The following BMS1 variants were observed in gnomAD, a reference collection of about 807,000 sequenced individuals.
The protein encoded by BMS1 is ribosome biogenesis protein BMS1 homolog.
Under a neutral mutation model 138.7 loss-of-function variants are expected in BMS1, and 53 were observed. The ratio of observed to expected loss-of-function variants is 0.38; its 90% CI spans 0.31 to 0.48. The LOEUF is 0.48. BMS1 is among the 20% of genes least tolerant of loss of function. The pLI is 0.97. For synonymous variants in BMS1, 504 were observed against 539.9 expected, an observed-to-expected ratio of 0.93 and a Z score of 0.92; for missense variants, 1,360 against 1,565.5, an observed-to-expected ratio of 0.87 and a Z score of 2.22.
At chr10:42,796,421 A>G in intron 9 of BMS1, 53 bp from the exon 10 acceptor site, 1 of 1,527,878 alleles carries the variant, frequency 6.5e-7, no homozygotes, top group South Asian at 1.3e-5. Context: ...CCATTTCTAG[A>G]TTAGCTGATT....
Position 42,826,808 on chromosome 10 carries a change from G to C in BMS1, c.3456+3024G>C, listed in dbSNP as rs567813745. Among the ~76,000 whole-genome samples the C allele has an allele frequency of 8.0e-4, 122 of 152,296 alleles. 1 individual carries two copies. Among genetic ancestry groups the C allele is most frequent in the Non-Finnish European group, 1.5e-5 (1 of 68,006 alleles). On this transcript the variant is annotated intron_variant, in intron 21 of 22. Coordinates refer to ENST00000374518, the MANE Select transcript of BMS1 (RefSeq NM_014753.4). Reference sequence around the variant, plus strand: ...AGTGCTTCAGCTCTTGTGCAGTGGGGAGTGTGACTGCTCAGACTGGCCAAG... The same window carrying C: ...AGTGCTTCAGCTCTTGTGCAGTGGGCAGTGTGACTGCTCAGACTGGCCAAG...
chr10:42,821,454 T>C (rs1355637309), intron 18 of BMS1, among the ~76,000 whole-genome samples: 1 of 152,112 alleles, frequency 6.6e-6, no homozygotes, highest in Non-Finnish European at 1.5e-5. Flanking sequence ...ATTGCAACTG[T>C]ATTTTTCTTT....
At chr10:42,810,482 C>T (rs1003768676) in intron 13 of BMS1, among the ~76,000 whole-genome samples, 1 of 151,992 alleles carries the variant, frequency 6.6e-6, no homozygotes, top group Non-Finnish European at 1.5e-5. Flanking sequence ...GTACTGTCTT[C>T]ATCTGGTTTT....
chr10:42,826,923 G>A (rs1473781402), intron 21 of BMS1, among the ~76,000 whole-genome samples: 26 of 152,198 alleles, frequency 1.7e-4, no homozygotes, highest in Admixed American at 1.6e-3. Context: ...GGGCACGGCA[G>A]CGTGGCCCCG....
intron 12 of BMS1, among the ~76,000 whole-genome samples, chr10:42,801,241 G>A (rs1418347961): frequency 6.6e-6 from 1 of 152,156 alleles, no homozygotes; most frequent in Non-Finnish European, 1.5e-5. Context: ...TCACATACAG[G>A]ACTACATCTT....
intron 21 of BMS1, among the ~76,000 whole-genome samples, chr10:42,829,179 G>A (rs1588764177): frequency 1.3e-5 from 2 of 152,210 alleles, no homozygotes; most frequent in Middle Eastern, 3.4e-3. Context: ...AGGCGTGGTG[G>A]CGGGCGCCTG....
chr10:42,833,319 A>G lies in BMS1; in HGVS notation c.*2223A>G, dbSNP rs1842829976. ...CAATAAATAGCATTTTTCATGTAGA[A>G]TTTTTATTGGTGAAGGTTCCACCTG... On this transcript the variant is annotated 3_prime_UTR_variant, in exon 23 of 23. Transcript: ENST00000374518. The G allele has an allele frequency of 6.6e-6, 1 of 152,228 alleles. No individual in the cohort carries two copies. The highest frequency in any genetic ancestry group is 1.5e-5 in the Non-Finnish European group (1 of 68,040). 9.4% of individuals were successfully genotyped at this position (152,228 alleles called of 1,614,324 possible).
chr10:42,796,561 T>A lies in BMS1; in HGVS notation c.1317T>A (p.Ser439=). The A allele has an allele frequency of 6.2e-7, 1 of 1,614,198 alleles. No homozygotes were observed. The highest frequency in any genetic ancestry group is 8.5e-7 in the Non-Finnish European group (1 of 1,180,040). ...RKAIFGDEDE[S]GDSDDEEDDE... is the part of the protein sequence containing the mutation. ...CCATTTTCGGAGATGAAGATGAATC[T>A]GGAGATAGTGATGATGAAGAAGATG... The change falls in exon 10 of 23, where the codon TCT becomes TCA. Residue 439 remains serine, a synonymous_variant. Transcript: ENST00000374518.
intron 13 of BMS1, among the ~76,000 whole-genome samples, chr10:42,810,186 A>G (rs1360359789): frequency 6.7e-6 from 1 of 149,352 alleles, no homozygotes; most frequent in East Asian, 2.0e-4. Flanking sequence ...AATACAACAT[A>G]TGGAAATGTG....
rs1564426642 is a variant in BMS1 at position 42,816,659 on chromosome 10, G to T, written c.2390G>T (p.Gly797Val). ...ETGDVHKGKSGPNTQNEDIEK... is the reference protein window; with the variant it reads ...ETGDVHKGKSVPNTQNEDIEK... ...GGGGACGTGCACAAGGGAAAATCAG[G>T]CCCCAATACTCAGGTATGACTTTGT... is the stretch of plus-strand genomic sequence containing the variant. The change falls in exon 14 of 23, where the codon GGC becomes GTC. Residue 797 changes from glycine (G) to valine (V), a missense_variant. Physicochemically the swap from Gly to Val is moderately radical, Grantham distance 109. Around this residue, in one of 3 missense-constraint regions of BMS1, gnomAD observed 697 missense variants for 686.2 expected, o/e 1.02. Coordinates refer to ENST00000374518, the MANE Select transcript of BMS1 (RefSeq NM_014753.4). The T allele has an allele frequency of 6.2e-7, 1 of 1,611,392 alleles. No homozygotes were observed. The highest frequency in any genetic ancestry group is 1.1e-5 in the South Asian group (1 of 90,928).
intron 4 of BMS1, among the ~76,000 whole-genome samples, chr10:42,789,255 C>T (rs1195275591): frequency 6.6e-6 from 1 of 152,226 alleles, no homozygotes; most frequent in Non-Finnish European, 1.5e-5. Context: ...TTCCGCCTGT[C>T]CTTTGAGCTG....
At chr10:42,809,675 T>C (rs568407913) in intron 13 of BMS1, among the ~76,000 whole-genome samples, 160 of 152,362 alleles carry the variant, frequency 1.1e-3, no homozygotes, top group Middle Eastern at 3.4e-3. Flanking sequence ...GTCACTGTTA[T>C]TTATTTACTA....
chr10:42,816,902 G>C (rs533680773), intron 14 of BMS1, among the ~76,000 whole-genome samples: 111 of 152,318 alleles, frequency 7.3e-4, no homozygotes, highest in Non-Finnish European at 1.4e-3. Context: ...AGTCCACTGT[G>C]ATTTTTCACT....
chr10:42,794,461 C>T (rs980650836), intron 9 of BMS1, among the ~76,000 whole-genome samples: 1 of 151,364 alleles, frequency 6.6e-6, no homozygotes, highest in Admixed American at 6.6e-5. Context: ...GATTTGTATA[C>T]CTTTATATGC....
At chr10:42,813,535 G>A (rs1162661538) in intron 13 of BMS1, among the ~76,000 whole-genome samples, 1 of 152,008 alleles carries the variant, frequency 6.6e-6, no homozygotes, top group Admixed American at 6.6e-5. Context: ...TACCTTTTCC[G>A]CTTGTATGAA....
At chr10:42,798,408 G>A (rs1167288045) in intron 11 of BMS1, 60 bp from the exon 12 acceptor site, 3 of 1,599,160 alleles carry the variant, frequency 1.9e-6, no homozygotes, top group Middle Eastern at 1.7e-4. Context: ...GGTTGAAAAT[G>A]ATGAGTCCTC....
At chr10:42,824,921 C>T (rs1392064072) in intron 21 of BMS1, among the ~76,000 whole-genome samples, 8 of 152,098 alleles carry the variant, frequency 5.3e-5, no homozygotes, top group Middle Eastern at 3.2e-3. Flanking sequence ...TCAAGAGGTG[C>T]GATGCCTCCA....
chr10:42,817,043 C>T (rs1158845590), intron 14 of BMS1, among the ~76,000 whole-genome samples: 1 of 152,066 alleles, frequency 6.6e-6, no homozygotes, highest in Non-Finnish European at 1.5e-5. Flanking sequence ...GGTCTGGGAG[C>T]ATCTGGGTGA....
intron 4 of BMS1, among the ~76,000 whole-genome samples, chr10:42,788,389 A>G (rs1017251114): frequency 2.0e-5 from 3 of 152,110 alleles, no homozygotes; most frequent in African/African-American, 7.2e-5. Context: ...ATAGTTATAC[A>G]TATTTATGGG....
Sources: allele counts gnomAD v4.1 joint callset (sites outside exome capture counted in the v4.1 genomes callset), GRCh38; gene constraint gnomAD v4.1.1; regional missense constraint gnomAD v4.1.1; transcripts MANE v1.5; gene names NCBI Gene and HGNC (gene_info 2026-07-23, HGNC 2026-07-21).